VCL: variants seen among roughly 807,000 people sequenced by gnomAD.
The protein encoded by VCL is vinculin.
A neutral mutation model predicts 125.7 loss-of-function variants in VCL; 47 were observed. The observed-to-expected ratio is 0.37, with a 90% CI of 0.30 to 0.48. The LOEUF (loss-of-function observed/expected upper bound fraction) is 0.48, where lower values mean the gene tolerates loss of function less well. Among genes scored for constraint, VCL ranks in the 20% least tolerant of loss-of-function variants. The pLI, the probability that VCL is intolerant of heterozygous loss-of-function variation, is 0.99. For synonymous variants in VCL, 458 were observed against 514.6 expected (o/e 0.89, Z 1.49); for missense variants, 1,069 against 1,455.5 (o/e 0.73, Z 4.32).
downstream of VCL, chr10:74,120,189 G>C (rs1470994143): frequency 6.6e-6 from 1 of 152,154 alleles, no homozygotes; most frequent in African/African-American, 2.4e-5. Context: ...TGTTACTTTA[G>C]CAAGAACTTT....
Position 74,112,010 on chromosome 10 carries a change from C to T in VCL, c.2847C>T (p.Tyr949=), listed in dbSNP as rs770857763. ...FPVPPDMEDD[Y]EPELLLMPSN... is the part of the protein sequence containing the mutation. ...TCCCCCCTGACATGGAAGACGATTA[C>T]GAACCTGAGCTGCTGTTAATGCCAT... Residue 949 remains tyrosine, a synonymous_variant, in exon 19 of 22, where the codon TAC becomes TAT. Transcript: ENST00000211998. 1.5e-5 allele frequency: 25 copies of T among 1,614,084 alleles called. No individual in the cohort carries two copies. The highest frequency in any genetic ancestry group is 5.0e-5 in the Admixed American group (3 of 60,012).
At chr10:74,053,397 A>T (rs1841340585) in intron 2 of VCL, among the ~76,000 whole-genome samples, 1 of 152,076 alleles carries the variant, frequency 6.6e-6, no homozygotes. Flanking sequence ...TCTCTGTTGT[A>T]TCTAGTTATA....
chr10:74,111,538 T>G (rs759982598), intron 18 of VCL, among the ~76,000 whole-genome samples: 1 of 152,214 alleles, frequency 6.6e-6, no homozygotes, highest in Non-Finnish European at 1.5e-5. Context: ...TTTGCTACTA[T>G]CGTTTGGTTG....
At chr10:74,111,452 G>A (rs1840216890) in intron 18 of VCL, among the ~76,000 whole-genome samples, 1 of 152,210 alleles carries the variant, frequency 6.6e-6, no homozygotes, top group Non-Finnish European at 1.5e-5. Context: ...TGATCCAGCA[G>A]TGTTCACTTT....
rs1433937715 is a variant in VCL, at chr10:74,018,201, T to TATATATAA, written c.168+19827_168+19828insTATATAAA. Among the ~76,000 whole-genome samples the TATATATAA allele has an allele frequency of 7.4e-4, 103 of 139,798 alleles. 1 individual carries two copies. Among genetic ancestry groups the TATATATAA allele is most frequent in the African/African-American group, 2.4e-3 (94 of 38,598 alleles). The allele number at this position is 139,798 out of a possible 152,430, so 91.7% of individuals were successfully genotyped here. ...GGATATATATATATATATATATATA[T>TATATATAA]AAATACATATATATATGTGTATTAT... is the stretch of plus-strand genomic sequence containing the variant. On this transcript the variant is annotated intron_variant, in intron 1 of 21. Coordinates refer to ENST00000211998, the MANE Select transcript of VCL (RefSeq NM_014000.3).
chr10:74,049,407 G>A (rs866908829), intron 2 of VCL, among the ~76,000 whole-genome samples: 1 of 151,992 alleles, frequency 6.6e-6, no homozygotes, highest in South Asian at 2.1e-4. Flanking sequence ...GAGAAATTTT[G>A]TAAAAAAGAA....
At position 74,074,821 on chromosome 10, in the gene VCL, T is replaced by C. The variant is rs757655707; in HGVS notation, c.701T>C (p.Val234Ala). Residue 234 changes from valine to alanine, a missense_variant, in exon 6 of 22, where the codon GTA becomes GCA. Physicochemically the swap from Val to Ala is moderately conservative, Grantham distance 64. Coordinates refer to ENST00000211998, the MANE Select transcript of VCL (RefSeq NM_014000.3). ...GCTTTAAAAAATCGCAATTTTACTG[T>C]AGAAAAAATGAGTGCTGAAATTAAT... ...EEALKNRNFT[V>A]EKMSAEINEI... is the part of the protein sequence containing the mutation. 1 of 1,614,178 alleles carries C rather than the reference T, an allele frequency of 6.2e-7. No homozygotes were observed. The highest frequency in any genetic ancestry group is 8.5e-7 in the Non-Finnish European group (1 of 1,180,022).
At chr10:74,066,797 G>A (rs1373846431) in intron 2 of VCL, among the ~76,000 whole-genome samples, 4 of 151,378 alleles carry the variant, frequency 2.6e-5, no homozygotes, top group African/African-American at 4.9e-5. Context: ...TCAGCCTCCT[G>A]TGTAGCTGGG....
At chr10:74,051,250 T>G (rs1841294520) in intron 2 of VCL, among the ~76,000 whole-genome samples, 1 of 152,080 alleles carries the variant, frequency 6.6e-6, no homozygotes, top group Admixed American at 6.5e-5. Context: ...GTTTGTTTTT[T>G]GTTTTAGACG....
chr10:74,066,036 A>T (rs1392766699), intron 2 of VCL, among the ~76,000 whole-genome samples: 1 of 134,608 alleles, frequency 7.4e-6, no homozygotes, highest in African/African-American at 2.8e-5. Context: ...AGAATGGGTA[A>T]ATCAATTTTG....
At chr10:74,111,157 A>G (rs900857194) in intron 18 of VCL, among the ~76,000 whole-genome samples, 1 of 152,166 alleles carries the variant, frequency 6.6e-6, no homozygotes, top group African/African-American at 2.4e-5. Context: ...CCTTGAGGGG[A>G]TAGAGAGCTG....
chr10:74,114,050 C>A, intron 19 of VCL, 134 bp from the exon 20 acceptor site: 1 of 1,022,892 alleles, frequency 9.8e-7, no homozygotes, highest in Admixed American at 2.0e-5. Context: ...AAGAACGGCC[C>A]TTTTCTCCTC....
intron 12 of VCL, among the ~76,000 whole-genome samples, chr10:74,096,083 T>C (rs1163999385): frequency 6.6e-6 from 1 of 152,152 alleles, no homozygotes; most frequent in African/African-American, 2.4e-5. Flanking sequence ...AAGAGCCCTT[T>C]CGTGATTTTT....
rs1840760361 is a variant in VCL, at chr10:74,025,759, A to T, written c.169-17324A>T. Among the ~76,000 whole-genome samples, 6 of 151,934 alleles carry T rather than the reference A, an allele frequency of 3.9e-5. 1 individual carries two copies. The South Asian group carries it at 8.3e-4, about 21-fold the overall frequency. ...AGGATTAGAGTGTAGGTGTGCTGAG[A>T]TCATCATTACTATTTGAGTGATAAT... On this transcript the variant is annotated intron_variant, in intron 1 of 21. Transcript: ENST00000211998.
intron 2 of VCL, among the ~76,000 whole-genome samples, chr10:74,050,145 C>T (rs1280989884): frequency 1.3e-5 from 2 of 152,174 alleles, no homozygotes; most frequent in Non-Finnish European, 2.9e-5. Flanking sequence ...TGTTGGCAGG[C>T]AAATGACAGC....
Position 74,074,728 on chromosome 10 carries a change from C to G in VCL, c.623-15C>G. 2 of 1,611,296 alleles carry G rather than the reference C, an allele frequency of 1.2e-6. No homozygotes were observed. Among genetic ancestry groups the G allele is most frequent in the South Asian group, 2.2e-5 (2 of 90,462 alleles). On this transcript the variant is annotated splice_polypyrimidine_tract_variant and intron_variant, in intron 5 of 21. Coordinates refer to ENST00000211998, the MANE Select transcript of VCL (RefSeq NM_014000.3). ...TTAAATTCCAAGCTTACTTTCTGATCTTTTATTTTTACAGCTATGAAGATT... is the reference window on the plus strand; with the variant it reads ...TTAAATTCCAAGCTTACTTTCTGATGTTTTATTTTTACAGCTATGAAGATT...
intron 1 of VCL, among the ~76,000 whole-genome samples, chr10:74,000,489 A>G (rs1009343117): frequency 1.3e-5 from 2 of 152,070 alleles, no homozygotes; most frequent in Non-Finnish European, 2.9e-5. Flanking sequence ...ATCTGGGCCC[A>G]CTGCAACGTC....
chr10:74,019,506 T>C (rs1247045242), intron 1 of VCL, among the ~76,000 whole-genome samples: 3 of 151,856 alleles, frequency 2.0e-5, no homozygotes, highest in African/African-American at 7.3e-5. Flanking sequence ...CCTGGTAGTA[T>C]TGAGGAAGAT....
At position 74,056,459 on chromosome 10, in the gene VCL, C is replaced by T. The variant is rs143121459; in HGVS notation, c.239+13306C>T. On this transcript the variant is annotated intron_variant, in intron 2 of 21. Coordinates refer to ENST00000211998, the MANE Select transcript of VCL (RefSeq NM_014000.3). Reference sequence around the variant, plus strand: ...TATCACTGTTTGGCCTTGATAAGAACAAGAAGTCCACTTTGCATTATGTTG... The same window carrying T: ...TATCACTGTTTGGCCTTGATAAGAATAAGAAGTCCACTTTGCATTATGTTG... 1.1e-4 allele frequency among the ~76,000 whole-genome samples: 16 copies of T among 152,116 alleles called. No homozygotes were observed. The East Asian group carries it at 2.5e-3, about 24-fold the overall frequency.
Sources: allele counts gnomAD v4.1 joint callset (sites outside exome capture counted in the v4.1 genomes callset), GRCh38; gene constraint gnomAD v4.1.1; transcripts MANE v1.5; gene names NCBI Gene and HGNC (gene_info 2026-07-23, HGNC 2026-07-21).